TMC7: variants seen among roughly 807,000 people sequenced by gnomAD.
TMC7 encodes transmembrane channel like 7, also known as transmembrane channel-like protein 7.
In TMC7, 54 loss-of-function variants were observed where a neutral mutation model predicts 82.9. The observed-to-expected ratio is 0.65, with a 90% confidence interval of 0.52 to 0.82. The LOEUF (loss-of-function observed/expected upper bound fraction) is 0.82. Ranked by LOEUF, TMC7 falls within the 40% of genes least tolerant of loss-of-function variation. The pLI is 0.00. For synonymous variants in TMC7, 350 were observed against 337.9 expected (o/e 1.04, Z -0.39); for missense variants, 820 against 901.2 (o/e 0.91, Z 1.15).
At chr16:18,997,493 C>A (rs2039063559) in intron 1 of TMC7, among the ~76,000 whole-genome samples, 1 of 152,014 alleles carries the variant, frequency 6.6e-6, no homozygotes, top group Non-Finnish European at 1.5e-5. Flanking sequence ...CCTTAGCCCC[C>A]CAAGTAGCTG....
chr16:18,989,166 G>A (rs550430045), intron 1 of TMC7, among the ~76,000 whole-genome samples: 2 of 152,170 alleles, frequency 1.3e-5, no homozygotes, highest in African/African-American at 4.8e-5. Flanking sequence ...TGTGATATTT[G>A]TTTTTCCCTC....
chr16:19,012,788 CAAAAAAAAAAAAAAAAAAAA>C (rs139163132), intron 2 of TMC7, among the ~76,000 whole-genome samples: 1 of 66,610 alleles, frequency 1.5e-5, no homozygotes, highest in African/African-American at 7.0e-5. Context: ...GATTCCATCT[CAAAAAAAAAAAAAAAAAAAA>C]AAAAAAAAAA....
At chr16:19,032,153 C>T (rs1454491380) in intron 6 of TMC7, among the ~76,000 whole-genome samples, 1 of 152,160 alleles carries the variant, frequency 6.6e-6, no homozygotes, top group Non-Finnish European at 1.5e-5. Flanking sequence ...TGAGAGCATG[C>T]ACAGTGTTGT....
intron 1 of TMC7, among the ~76,000 whole-genome samples, chr16:18,991,759 C>T (rs141529684): frequency 1.9e-4 from 29 of 152,160 alleles, no homozygotes; most frequent in Admixed American, 1.1e-3. Context: ...CAAGAGGCCC[C>T]GGTGTGTGAT....
chr16:19,053,460 G>A (rs1198250428), intron 13 of TMC7, among the ~76,000 whole-genome samples: 3 of 151,806 alleles, frequency 2.0e-5, no homozygotes, highest in Non-Finnish European at 2.9e-5. Context: ...CTGGAGTGCA[G>A]TGGCGCGATC....
At chr16:19,059,524 G>T in intron 15 of TMC7, 30 bp downstream of exon 15, 1 of 1,614,108 alleles carries the variant, frequency 6.2e-7, no homozygotes, top group Non-Finnish European at 8.5e-7. Context: ...GAGGGTCATG[G>T]CTGGGGACAT....
intron 15 of TMC7, among the ~76,000 whole-genome samples, chr16:19,060,693 A>G (rs1305412899): frequency 6.6e-6 from 1 of 152,102 alleles, no homozygotes; most frequent in African/African-American, 2.4e-5. Flanking sequence ...AATAGCAACC[A>G]GAGTCATCAA....
chr16:19,026,424 C>T (rs1960229973), intron 5 of TMC7, among the ~76,000 whole-genome samples: 1 of 151,230 alleles, frequency 6.6e-6, no homozygotes, highest in African/African-American at 2.4e-5. Context: ...TTGCAGCGAG[C>T]CGAGATCATG....
chr16:19,005,813 G>A (rs2039229944), intron 1 of TMC7, among the ~76,000 whole-genome samples: 1 of 152,124 alleles, frequency 6.6e-6, no homozygotes, highest in Non-Finnish European at 1.5e-5. Context: ...TGGCTCTAGG[G>A]AGCCACTGCC....
In TMC7 at chr16:19,047,240, T is replaced by C. The variant is rs1596788537; in HGVS notation, c.1731T>C (p.Tyr577=). The change falls in exon 12 of 16, where the codon TAT becomes TAC. Residue 577 remains tyrosine (Y), a synonymous_variant. Coordinates refer to ENST00000304381, the MANE Select transcript of TMC7 (RefSeq NM_024847.4). ...CCCTGAAATTCATTATCATCTTCTA[T>C]GTGAAAGAGGTAAGGAGCCGGTGGG... ...IATLKFIIIF[Y]VKEWSLLYTC... 3 of 1,613,596 alleles carry C rather than the reference T, an allele frequency of 1.9e-6. No homozygotes were observed. Among genetic ancestry groups the C allele is most frequent in the Admixed American group, 1.7e-5 (1 of 59,900 alleles).
chr16:19,034,005 T>G (rs1960630585), intron 6 of TMC7, among the ~76,000 whole-genome samples: 1 of 152,216 alleles, frequency 6.6e-6, no homozygotes, highest in Non-Finnish European at 1.5e-5. Flanking sequence ...GCATGGCATC[T>G]GGTGTTTTAT....
intron 2 of TMC7, among the ~76,000 whole-genome samples, chr16:19,011,556 A>C (rs1959349008): frequency 6.6e-6 from 1 of 151,350 alleles, no homozygotes; most frequent in Non-Finnish European, 1.5e-5. Context: ...TAAAATAATA[A>C]TAATAGAAAA....
intron 11 of TMC7, 35 bp downstream of exon 11, chr16:19,045,473 C>G (rs1961228528): frequency 7.1e-7 from 1 of 1,411,750 alleles, no homozygotes; most frequent in Non-Finnish European, 1.0e-6. Flanking sequence ...ATCCCCCCCA[C>G]CACACACATG....
At chr16:19,060,495 A>G (rs1961956331) in intron 15 of TMC7, among the ~76,000 whole-genome samples, 1 of 151,910 alleles carries the variant, frequency 6.6e-6, no homozygotes, top group African/African-American at 2.4e-5. Context: ...ATGAGCCACT[A>G]TGCCTGGACC....
chr16:19,031,056 C>T (rs1960493294), intron 6 of TMC7, among the ~76,000 whole-genome samples: 1 of 152,170 alleles, frequency 6.6e-6, no homozygotes, highest in Admixed American at 6.5e-5. Context: ...ACTCAAATTA[C>T]AGGAAGGACA....
At chr16:19,047,380 T>A in intron 12 of TMC7, 131 bp downstream of exon 12, 1 of 796,378 alleles carries the variant, frequency 1.3e-6, no homozygotes. Context: ...AAAATATATG[T>A]TTATTCTAGA....
intron 5 of TMC7, among the ~76,000 whole-genome samples, chr16:19,027,164 G>T (rs376774557): frequency 2.0e-4 from 28 of 143,516 alleles, no homozygotes; most frequent in African/African-American, 7.2e-4. Context: ...CTGCCTCCTG[G>T]TTTCAAGCAA....
intron 3 of TMC7, among the ~76,000 whole-genome samples, chr16:19,018,709 G>A (rs528354733): frequency 3.9e-5 from 6 of 152,214 alleles, no homozygotes; most frequent in African/African-American, 1.2e-4. Flanking sequence ...GCTGAGGCAG[G>A]AGGATCACTT....
chr16:19,056,553 C>T lies in TMC7; in HGVS notation c.1883C>T (p.Ser628Leu), dbSNP rs201572722. Residue 628 changes from serine to leucine, a missense_variant, in exon 14 of 16, where the codon TCG (serine) becomes TTG (leucine). Around this residue, in one of 2 missense-constraint regions of TMC7, gnomAD observed 170 missense variants for 231.3 expected, o/e 0.74. Transcript: ENST00000304381. ...LTISISRIPS[S>L]KACGPFTNFN... is the part of the protein sequence containing the mutation. Reference sequence around the variant, plus strand: ...CTGTGTCCTGGCAGCATCCCTTCCTCGAAAGCCTGTGGGCCGTTCACCAAC... The same window carrying T: ...CTGTGTCCTGGCAGCATCCCTTCCTTGAAAGCCTGTGGGCCGTTCACCAAC... 22 of 1,613,652 alleles carry T rather than the reference C, an allele frequency of 1.4e-5. No homozygotes were observed. The highest frequency in any genetic ancestry group is 1.3e-4 in the East Asian group (6 of 44,878).
Sources: gnomAD v4.1 joint callset for allele counts (sites outside exome capture counted in the v4.1 genomes callset) on GRCh38, gnomAD v4.1.1 for gene constraint, gnomAD v4.1.1 regional missense constraint, MANE v1.5 for transcripts, NCBI Gene and HGNC (gene_info 2026-07-23, HGNC 2026-07-21) for gene names.